Variants in SCD5 observed in about 807,000 individuals in gnomAD.
The protein encoded by SCD5 is acyl-CoA-desaturase 4.
Under a neutral mutation model 30.4 loss-of-function variants are expected in SCD5, and 20 were observed. The observed-to-expected ratio is 0.66, with a 90% CI of 0.46 to 0.96. The LOEUF is 0.96. Among genes scored for constraint, SCD5 ranks in the 40% least tolerant of loss-of-function variants. SCD5 has a pLI of 0.00. For synonymous variants in SCD5, 173 were observed against 176.4 expected (o/e 0.98, Z 0.16); for missense variants, 381 against 443.3 (o/e 0.86, Z 1.26).
At chr4:82,665,080 T>A (rs2903823) in intron 3 of SCD5, among the ~76,000 whole-genome samples, 1,083 of 43,098 alleles carry the variant, frequency 0.025, 35 homozygotes, top group African/African-American at 0.13. Context: ...ATATATATTT[T>A]TTTTTTAATT....
At chr4:82,730,190 G>A (rs6854179) in intron 1 of SCD5, among the ~76,000 whole-genome samples, 44,853 of 146,516 alleles carry the variant, frequency 0.31, 9,032 homozygotes, top group African/African-American at 0.57. Context: ...GAAAATATAT[G>A]TATTATATAT....
At chr4:82,787,953 C>T (rs931028810) in intron 1 of SCD5, among the ~76,000 whole-genome samples, 6 of 152,140 alleles carry the variant, frequency 3.9e-5, no homozygotes, top group Non-Finnish European at 5.9e-5. Flanking sequence ...AGAAGGATCC[C>T]TTGAGTTCAG....
At chr4:82,742,243 G>C (rs1317837217) in intron 1 of SCD5, among the ~76,000 whole-genome samples, 1 of 152,164 alleles carries the variant, frequency 6.6e-6, no homozygotes, top group Non-Finnish European at 1.5e-5. Flanking sequence ...CCCAGAGTGG[G>C]CCATGACAGC....
chr4:82,652,093 AC>A (rs1163902153), intron 3 of SCD5, among the ~76,000 whole-genome samples: 1 of 152,200 alleles, frequency 6.6e-6, no homozygotes, highest in African/African-American at 2.4e-5. Context: ...CTGGAACTAC[AC>A]TTCGAGGAGT....
chr4:82,715,735 A>T (rs1720213238), intron 1 of SCD5, among the ~76,000 whole-genome samples: 1 of 151,684 alleles, frequency 6.6e-6, no homozygotes, highest in Non-Finnish European at 1.5e-5. Context: ...TAAGAGGAAA[A>T]ACTTGATGAC....
intron 1 of SCD5, among the ~76,000 whole-genome samples, chr4:82,787,658 G>A (rs1050130510): frequency 1.3e-5 from 2 of 152,138 alleles, no homozygotes; most frequent in Non-Finnish European, 2.9e-5. Context: ...GTATTAGGAG[G>A]TGGGGCTTTG....
intron 3 of SCD5, among the ~76,000 whole-genome samples, chr4:82,679,284 G>GAA (rs1560531773): frequency 1.7e-5 from 2 of 120,972 alleles, no homozygotes; most frequent in Non-Finnish European, 3.5e-5. Flanking sequence ...AAGAAAGAAG[G>GAA]AAGGAAAGAA....
chr4:82,636,481 G>T, intron 4 of SCD5, 110 bp downstream of exon 4: 21 of 752,724 alleles, frequency 2.8e-5, no homozygotes, highest in Non-Finnish European at 3.7e-5. Context: ...CAAGTTCACT[G>T]AACTCCATTC....
At chr4:82,685,431 G>T (rs1398723821) in intron 2 of SCD5, among the ~76,000 whole-genome samples, 2 of 152,152 alleles carry the variant, frequency 1.3e-5, no homozygotes, top group Non-Finnish European at 2.9e-5. Flanking sequence ...GGTGAAAAGA[G>T]GCTGGGCACG....
chr4:82,712,297 T>TACATATACA (rs1560540874), intron 1 of SCD5, among the ~76,000 whole-genome samples: 1 of 33,766 alleles, frequency 3.0e-5, no homozygotes, highest in Non-Finnish European at 6.3e-5. Flanking sequence ...TATATATATA[T>TACATATACA]TTTATTTTTA....
At chr4:82,685,107 C>T (rs1728672338) in intron 2 of SCD5, among the ~76,000 whole-genome samples, 1 of 152,224 alleles carries the variant, frequency 6.6e-6, no homozygotes, top group South Asian at 2.1e-4. Flanking sequence ...AGTGCACTCT[C>T]ACCACATGTT....
rs148847509 is a variant in SCD5 at position 82,662,041 on chromosome 4, C to T, written c.569+18666G>A. 3.6e-3 allele frequency among the ~76,000 whole-genome samples: 553 copies of T among 152,226 alleles called. 8 individuals carry two copies. The highest frequency in any genetic ancestry group is 0.013 in the African/African-American group (528 of 41,536). On this transcript the variant is annotated intron_variant, in intron 3 of 4. Transcript: ENST00000319540. ...TTTGTCTTTGGCCATGGGTAGTGAA[C>T]AGAACAGTGTATGTTATTTATTTAT...
At chr4:82,688,734 G>C (rs957664553) in intron 2 of SCD5, among the ~76,000 whole-genome samples, 1 of 152,112 alleles carries the variant, frequency 6.6e-6, no homozygotes, top group Non-Finnish European at 1.5e-5. Flanking sequence ...GTGTTGAAAA[G>C]TCAACCTTAG....
intron 1 of SCD5, among the ~76,000 whole-genome samples, chr4:82,786,877 G>A (rs1282567031): frequency 1.3e-5 from 2 of 151,356 alleles, no homozygotes; most frequent in Non-Finnish European, 2.9e-5. Context: ...CTTACCTTAA[G>A]TAGGCATTGT....
chr4:82,755,763 G>C (rs1721222068), intron 1 of SCD5, among the ~76,000 whole-genome samples: 1 of 152,152 alleles, frequency 6.6e-6, no homozygotes, highest in African/African-American at 2.4e-5. Flanking sequence ...ACCCTCTAAA[G>C]CATATTTGTC....
intron 3 of SCD5, among the ~76,000 whole-genome samples, chr4:82,650,013 G>A (rs10006844): frequency 0.03 from 4,587 of 152,242 alleles, 258 homozygotes; most frequent in African/African-American, 0.1. Context: ...GAAACTCCAC[G>A]AGTGGTGATG....
At chr4:82,640,775 C>A (rs888833009) in intron 3 of SCD5, among the ~76,000 whole-genome samples, 1 of 152,168 alleles carries the variant, frequency 6.6e-6, no homozygotes, top group African/African-American at 2.4e-5. Flanking sequence ...AACACTCAAA[C>A]ATGAATGGTC....
chr4:82,662,416 AATT>A (rs1728033002), intron 3 of SCD5, among the ~76,000 whole-genome samples: 1 of 152,200 alleles, frequency 6.6e-6, no homozygotes, highest in African/African-American at 2.4e-5. Flanking sequence ...AAGATTTTGA[AATT>A]AATATGAAAA....
intron 3 of SCD5, among the ~76,000 whole-genome samples, chr4:82,679,376 T>G (rs554338162): frequency 6.6e-6 from 1 of 152,132 alleles, no homozygotes; most frequent in African/African-American, 2.4e-5. Context: ...TGATACCGGG[T>G]GTTTTCACCT....
Sources: allele counts gnomAD v4.1 joint callset (sites outside exome capture counted in the v4.1 genomes callset), GRCh38; gene constraint gnomAD v4.1.1; transcripts MANE v1.5; gene names NCBI Gene and HGNC (gene_info 2026-07-23, HGNC 2026-07-21).